The following FCF1 variants were observed in gnomAD, a reference collection of about 807,000 sequenced individuals.
FCF1 encodes FCF1 rRNA-processing protein, also known as rRNA-processing protein FCF1 homolog.
In FCF1, 17 loss-of-function variants were observed where a neutral mutation model predicts 32.5. The observed-to-expected ratio is 0.52, with a 90% CI of 0.36 to 0.78. The LOEUF is 0.78. FCF1 is among the 30% of genes least tolerant of loss of function. The probability of loss-of-function intolerance (pLI) is 0.00; values close to 1 mark genes in which losing one functional copy is unlikely to be tolerated. For synonymous variants in FCF1, 84 were observed against 78.4 expected (o/e 1.07, Z -0.38); for missense variants, 201 against 241.1 (o/e 0.83, Z 1.10).
At chr14:74,718,412 T>G (rs2090450972) in intron 4 of FCF1, among the ~76,000 whole-genome samples, 1 of 152,156 alleles carries the variant, frequency 6.6e-6, no homozygotes, top group Non-Finnish European at 1.5e-5. Context: ...ACTTCACTGC[T>G]ACATGGCTCT....
chr14:74,726,669 A>G (rs2090581523), intron 5 of FCF1, among the ~76,000 whole-genome samples: 2 of 151,144 alleles, frequency 1.3e-5, no homozygotes, highest in Admixed American at 6.6e-5. Flanking sequence ...GGTTAGTTAC[A>G]TATGTATACA....
chr14:74,713,487 G>C lies in FCF1; in HGVS notation c.6G>C (p.Gly2=). The change falls in exon 2 of 8, where the codon GGG becomes GGC. Residue 2 remains glycine (G), a splice_region_variant and synonymous_variant. Transcript: ENST00000341162. M[G]KQKKTRKYAT... ...AATTCTAAAATTTCTGTTTCAAGGG[G>C]AAGCAAAAGAAAACAAGGAAGTATG... 1 of 1,612,734 alleles carries C rather than the reference G, an allele frequency of 6.2e-7. No individual in the cohort carries two copies. Among genetic ancestry groups the C allele is most frequent in the East Asian group, 2.2e-5 (1 of 44,878 alleles).
chr14:74,731,762 T>C (rs942985733), intron 5 of FCF1, among the ~76,000 whole-genome samples: 1 of 152,192 alleles, frequency 6.6e-6, no homozygotes, highest in East Asian at 1.9e-4. Flanking sequence ...CCAACCCACA[T>C]TGACCTAGCG....
intron 5 of FCF1, among the ~76,000 whole-genome samples, chr14:74,725,522 G>A (rs1001560726): frequency 2.1e-5 from 3 of 140,782 alleles, no homozygotes; most frequent in Non-Finnish European, 3.0e-5. Flanking sequence ...GGGTACAGAA[G>A]CTCACGTATA....
intron 4 of FCF1, among the ~76,000 whole-genome samples, chr14:74,719,062 A>G (rs1340313917): frequency 1.4e-5 from 2 of 148,140 alleles, no homozygotes; most frequent in African/African-American, 5.0e-5. Flanking sequence ...CCTGGGAGGC[A>G]GAGGCTACAG....
Position 74,713,541 on chromosome 14 carries a change from A to C in FCF1, c.60A>C (p.Arg20Ser). 2 of 1,612,130 alleles carry C rather than the reference A, an allele frequency of 1.2e-6. No individual in the cohort carries two copies. The highest frequency in any genetic ancestry group is 1.7e-6 in the Non-Finnish European group (2 of 1,179,850). The change falls in exon 2 of 8, where the codon AGA (arginine) becomes AGC (serine). Residue 20 changes from arginine (R) to serine (S), a missense_variant. Physicochemically the swap from Arg to Ser is moderately radical, Grantham distance 110. Coordinates refer to ENST00000341162, the MANE Select transcript of FCF1 (RefSeq NM_015962.5). ...YATMKRMLSL[R>S]DQRLKEKDRL... is the part of the protein sequence containing the mutation. ...CCATGAAGCGAATGCTTAGTCTCAGAGATCAGAGGCTGTGAGTGTCTGGAA... is the reference window on the plus strand; with the variant it reads ...CCATGAAGCGAATGCTTAGTCTCAGCGATCAGAGGCTGTGAGTGTCTGGAA...
At chr14:74,723,108 T>C (rs1036381552) in intron 4 of FCF1, among the ~76,000 whole-genome samples, 164 bp from the exon 5 acceptor site, 4 of 152,200 alleles carry the variant, frequency 2.6e-5, no homozygotes, top group African/African-American at 9.6e-5. Context: ...TCTTAGTTTC[T>C]TAGGGTTTTC....
intron 4 of FCF1, among the ~76,000 whole-genome samples, chr14:74,718,636 G>C (rs2090454022): frequency 6.6e-6 from 1 of 151,494 alleles, no homozygotes; most frequent in Non-Finnish European, 1.5e-5. Context: ...GCCACTCCCA[G>C]CTAATTTTTG....
chr14:74,729,513 G>C (rs149945634), intron 5 of FCF1, among the ~76,000 whole-genome samples: 74 of 151,998 alleles, frequency 4.9e-4, no homozygotes, highest in African/African-American at 1.7e-3. Context: ...ATTAGTCTTG[G>C]TAGCGGTTTA....
rs2090620816 is a variant in FCF1, at chr14:74,730,425, T to G, written c.366-2306T>G. ...GGCTAATTTTAAAAAAAAATTTTTT[T>G]GGTAGAGACTGGGCATGGTGGTTCA... On this transcript the variant is annotated intron_variant, in intron 5 of 7. Coordinates refer to ENST00000341162, the MANE Select transcript of FCF1 (RefSeq NM_015962.5). Among the ~76,000 whole-genome samples, 11 of 152,198 alleles carry G rather than the reference T, an allele frequency of 7.2e-5. No homozygotes were observed. The South Asian group carries it at 2.3e-3, about 32-fold the overall frequency.
At chr14:74,714,991 T>C in intron 3 of FCF1, 48 bp downstream of exon 3, 1 of 1,537,430 alleles carries the variant, frequency 6.5e-7, no homozygotes, top group South Asian at 1.3e-5. Context: ...ATAGACCTCT[T>C]AGAAATCCAG....
intron 4 of FCF1, among the ~76,000 whole-genome samples, chr14:74,717,727 A>G (rs528690909): frequency 6.6e-6 from 1 of 152,326 alleles, no homozygotes; most frequent in African/African-American, 2.4e-5. Context: ...TGACCTACTT[A>G]TCAATGAAAC....
chr14:74,738,617 G>A lies in FCF1; in HGVS notation c.*3687G>A, dbSNP rs1444386276. The A allele has an allele frequency of 6.6e-6, 1 of 152,120 alleles. No homozygotes were observed. The highest frequency in any genetic ancestry group is 1.5e-5 in the Non-Finnish European group (1 of 68,032). The allele number at this position is 152,120 out of a possible 1,614,324, so 9.4% of individuals were successfully genotyped here. On this transcript the variant is annotated 3_prime_UTR_variant, in exon 8 of 8. Coordinates refer to ENST00000341162, the MANE Select transcript of FCF1 (RefSeq NM_015962.5). Reference sequence around the variant, plus strand: ...CTAAAATAAAAATTGCAGATATCCTGTGAGCCCAATTCTATTTTTTTGGTA... The same window carrying A: ...CTAAAATAAAAATTGCAGATATCCTATGAGCCCAATTCTATTTTTTTGGTA...
At chr14:74,723,164 G>T in intron 4 of FCF1, 108 bp from the exon 5 acceptor site, 1 of 760,728 alleles carries the variant, frequency 1.3e-6, no homozygotes, top group Non-Finnish European at 2.3e-6. Context: ...TAATTCTGCT[G>T]TCATTGCAAA....
intron 5 of FCF1, among the ~76,000 whole-genome samples, chr14:74,729,211 G>A (rs542861759): frequency 4.6e-5 from 7 of 152,036 alleles, no homozygotes; most frequent in Admixed American, 2.0e-4. Context: ...GGTAGAATTC[G>A]GCTGTGAATC....
At chr14:74,718,253 C>A (rs1419101132) in intron 4 of FCF1, among the ~76,000 whole-genome samples, 1 of 152,158 alleles carries the variant, frequency 6.6e-6, no homozygotes, top group African/African-American at 2.4e-5. Flanking sequence ...CTGGTCTCTT[C>A]TATTTCCACT....
At chr14:74,730,315 T>G (rs2090618826) in intron 5 of FCF1, among the ~76,000 whole-genome samples, 1 of 151,100 alleles carries the variant, frequency 6.6e-6, no homozygotes, top group Non-Finnish European at 1.5e-5. Flanking sequence ...CCGGCTCAAG[T>G]GATCCTCCTG....
chr14:74,736,764 C>T lies in FCF1; in HGVS notation c.*1834C>T, dbSNP rs557537618. The T allele has an allele frequency of 7.6e-4, 115 of 152,220 alleles. No individual in the cohort carries two copies. Among genetic ancestry groups the T allele is most frequent in the African/African-American group, 2.5e-3 (105 of 41,542 alleles). The allele number at this position is 152,220 out of a possible 1,614,324, so 9.4% of individuals were successfully genotyped here. A position where few individuals can be genotyped will look rare whatever the true frequency, so the allele number is the denominator to read the frequency against. ...ATAATTTGGCGGTCATTGTTTTATA[C>T]TGACTTACTCAATAAACATTTATTA... On this transcript the variant is annotated 3_prime_UTR_variant, in exon 8 of 8. Transcript: ENST00000341162.
Position 74,736,729 on chromosome 14 carries a change from G to A in FCF1, c.*1799G>A, listed in dbSNP as rs1333621078. 1 of 152,076 alleles carries A rather than the reference G, an allele frequency of 6.6e-6. No homozygotes were observed. The highest frequency in any genetic ancestry group is 1.5e-5 in the Non-Finnish European group (1 of 68,016). The allele number at this position is 152,076 out of a possible 1,614,324, so 9.4% of individuals were successfully genotyped here. ...CTTTTTAGAAATCAGATATTCTGAT[G>A]ATTGCTCACATAATTTGGCGGTCAT... On this transcript the variant is annotated 3_prime_UTR_variant, in exon 8 of 8. Transcript: ENST00000341162.
Sources: gnomAD v4.1 joint callset for allele counts (sites outside exome capture counted in the v4.1 genomes callset) on GRCh38, gnomAD v4.1.1 for gene constraint, MANE v1.5 for transcripts, NCBI Gene and HGNC (gene_info 2026-07-23, HGNC 2026-07-21) for gene names.